Variants in GRB2 observed in about 807,000 individuals in gnomAD.
The protein encoded by GRB2 is growth factor receptor bound protein 2, also known as growth factor receptor-bound protein 2.
GRB2 carries 2 observed loss-of-function variants against 27.4 expected under a neutral mutation model. The ratio of observed to expected loss-of-function variants is 0.07; its 90% CI spans 0.03 to 0.23. The LOEUF is 0.23. GRB2 is among the 10% of genes least tolerant of loss of function. The pLI is 1.00. For missense variants in GRB2, 102 were observed against 282.4 expected (o/e 0.36, Z 4.58); for synonymous variants, 94 against 99.6 (o/e 0.94, Z 0.33).
intron 2 of GRB2, among the ~76,000 whole-genome samples, chr17:75,350,146 A>T (rs2078680821): frequency 1.3e-5 from 2 of 149,792 alleles, no homozygotes; most frequent in African/African-American, 4.9e-5. Context: ...TAAGCCCAGC[A>T]GTTTAAGGCT....
intron 1 of GRB2, among the ~76,000 whole-genome samples, chr17:75,401,274 T>A (rs2079061796): frequency 6.6e-6 from 1 of 150,950 alleles, no homozygotes; most frequent in Admixed American, 6.6e-5. Flanking sequence ...TGAAACCCCG[T>A]CTCTACTAAA....
chr17:75,343,621 C>T (rs1362880057), intron 2 of GRB2, among the ~76,000 whole-genome samples: 2 of 152,128 alleles, frequency 1.3e-5, no homozygotes, highest in Non-Finnish European at 2.9e-5. Context: ...GAAGGTAGTT[C>T]ACACTTATGT....
chr17:75,343,767 G>A (rs895709053), intron 2 of GRB2, among the ~76,000 whole-genome samples: 1 of 152,188 alleles, frequency 6.6e-6, no homozygotes, highest in African/African-American at 2.4e-5. Context: ...ACATGTGGAA[G>A]TCCTATTTGG....
chr17:75,379,565 A>AT (rs981584606), intron 2 of GRB2, among the ~76,000 whole-genome samples: 21 of 151,546 alleles, frequency 1.4e-4, no homozygotes, highest in African/African-American at 3.9e-4. Flanking sequence ...CACCTGGTTA[A>AT]TTTTTTTTAT....
At chr17:75,342,598 C>T (rs2078628523) in intron 2 of GRB2, among the ~76,000 whole-genome samples, 1 of 152,054 alleles carries the variant, frequency 6.6e-6, no homozygotes, top group Non-Finnish European at 1.5e-5. Context: ...TAAACAAGAA[C>T]CTCTTAAATA....
At chr17:75,401,311 G>A (rs1417759819) in intron 1 of GRB2, among the ~76,000 whole-genome samples, 5 of 151,508 alleles carry the variant, frequency 3.3e-5, no homozygotes, top group Non-Finnish European at 7.4e-5. Flanking sequence ...CGGGCGCGGT[G>A]GCGGGCGCCT....
At chr17:75,374,403 C>CAA (rs56404809) in intron 2 of GRB2, among the ~76,000 whole-genome samples, 7,542 of 88,536 alleles carry the variant, frequency 0.085, 527 homozygotes, top group Middle Eastern at 0.14. Flanking sequence ...GACTCCATAT[C>CAA]AAAAAAAAAA....
At chr17:75,398,835 C>T (rs138292887) in intron 1 of GRB2, among the ~76,000 whole-genome samples, 138 of 152,036 alleles carry the variant, frequency 9.1e-4, no homozygotes, top group Middle Eastern at 3.4e-3. Context: ...GCAACCTCCA[C>T]CTCCTGGGTT....
chr17:75,386,031 A>G (rs1275239320), intron 2 of GRB2, among the ~76,000 whole-genome samples: 1 of 152,206 alleles, frequency 6.6e-6, no homozygotes, highest in Non-Finnish European at 1.5e-5. Context: ...TTGGCAGAAA[A>G]AAATTTTTCT....
chr17:75,346,414 T>C (rs1014268070), intron 2 of GRB2, among the ~76,000 whole-genome samples: 2 of 151,848 alleles, frequency 1.3e-5, no homozygotes, highest in Middle Eastern at 6.8e-3. Flanking sequence ...GAGAATCGCT[T>C]GAACCTGGGA....
intron 3 of GRB2, among the ~76,000 whole-genome samples, chr17:75,328,454 A>G (rs1015829268): frequency 2.0e-5 from 3 of 150,854 alleles, no homozygotes; most frequent in Non-Finnish European, 4.4e-5. Context: ...CAGCCTGGCC[A>G]ACATGGAGAA....
chr17:75,394,644 TGAAAG>T (rs1263120517), intron 1 of GRB2, among the ~76,000 whole-genome samples: 4 of 152,216 alleles, frequency 2.6e-5, no homozygotes, highest in Non-Finnish European at 5.9e-5. Context: ...AATCTACACT[TGAAAG>T]GAATCCCTTT....
intron 2 of GRB2, among the ~76,000 whole-genome samples, chr17:75,378,315 G>A (rs4789180): frequency 1.3e-5 from 2 of 151,950 alleles, no homozygotes; most frequent in African/African-American, 4.8e-5. Context: ...ACAGGAGGGC[G>A]GAGGTTGTAG....
At chr17:75,355,813 CTTCT>C (rs1452235507) in intron 2 of GRB2, among the ~76,000 whole-genome samples, 25 of 134,130 alleles carry the variant, frequency 1.9e-4, no homozygotes, top group Non-Finnish European at 2.2e-4. Context: ...ATTTTCCTTT[CTTCT>C]TTTTTTTTTT....
chr17:75,366,049 G>A (rs1333324531), intron 2 of GRB2, among the ~76,000 whole-genome samples: 1 of 151,924 alleles, frequency 6.6e-6, no homozygotes, highest in Non-Finnish European at 1.5e-5. Flanking sequence ...TTTTAATAGC[G>A]GGAGGCAGAA....
At position 75,377,597 on chromosome 17, in the gene GRB2, G is replaced by GAAAA. The variant is rs60003550; in HGVS notation, c.78+15950_78+15953dup. ...GGCAACAGAGCGAGACCCTGTCTCA[G>GAAAA]AAAAAAAAAAAAAAAAAAAAAAAAA... On this transcript the variant is annotated intron_variant, in intron 2 of 5. Coordinates refer to ENST00000316804, the MANE Select transcript of GRB2 (RefSeq NM_002086.5). Among the ~76,000 whole-genome samples, 8 of 53,190 alleles carry GAAAA rather than the reference G, an allele frequency of 1.5e-4. 1 individual carries two copies. The highest frequency in any genetic ancestry group is 7.2e-4 in the African/African-American group (8 of 11,040). 34.9% of individuals were successfully genotyped at this position (53,190 alleles called of 152,430 possible).
In GRB2 at chr17:75,393,645, T is replaced by A. The variant is rs1024745434; in HGVS notation, c.-17A>T. The A allele has an allele frequency of 1.2e-6, 2 of 1,601,250 alleles. No homozygotes were observed. The highest frequency in any genetic ancestry group is 2.2e-5 in the South Asian group (2 of 90,862). Reference sequence around the variant, plus strand: ...GGCTTCCATTCTGAGCGCTGCTCAGTGCTCAGCAGCCTGAAGCAGGGGGAA... The same window carrying A: ...GGCTTCCATTCTGAGCGCTGCTCAGAGCTCAGCAGCCTGAAGCAGGGGGAA... On this transcript the variant is annotated 5_prime_UTR_variant, in exon 2 of 6. Transcript: ENST00000316804.
chr17:75,401,150 A>T (rs546028673), intron 1 of GRB2, among the ~76,000 whole-genome samples: 23 of 150,868 alleles, frequency 1.5e-4, no homozygotes, highest in Non-Finnish European at 2.1e-4. Context: ...GTATGTGCTT[A>T]AAAAAAAAGG....
chr17:75,401,398 T>C (rs547314214), intron 1 of GRB2, among the ~76,000 whole-genome samples: 4 of 141,692 alleles, frequency 2.8e-5, no homozygotes, highest in Non-Finnish European at 4.5e-5. Flanking sequence ...TGAGCCGAGA[T>C]TGCGCCACTG....
Sources: gnomAD v4.1 joint callset for allele counts (sites outside exome capture counted in the v4.1 genomes callset) on GRCh38, gnomAD v4.1.1 for gene constraint, MANE v1.5 for transcripts, NCBI Gene and HGNC (gene_info 2026-07-23, HGNC 2026-07-21) for gene names.